Variants in NUBPL observed in about 807,000 individuals in gnomAD.
NUBPL encodes NUBP iron-sulfur cluster assembly factor, mitochondrial.
In NUBPL, 31 loss-of-function variants were observed where a neutral mutation model predicts 45.7. The ratio of observed to expected loss-of-function variants is 0.68; its 90% CI spans 0.51 to 0.92. NUBPL has a LOEUF of 0.92. NUBPL is among the 40% of genes least tolerant of loss of function. The pLI is 0.00. For synonymous variants in NUBPL, 144 were observed against 140.9 expected (o/e 1.02, Z -0.15); for missense variants, 401 against 398.7 (o/e 1.01, Z -0.05).
At position 31,760,003 on chromosome 14, in the gene NUBPL, AC is replaced by A. The variant is rs796584284; in HGVS notation, c.514-27773del. Among the ~76,000 whole-genome samples the A allele has an allele frequency of 1.9e-4, 29 of 151,180 alleles. No homozygotes were observed. In the East Asian group the frequency reaches 2.7e-3, roughly 14 times the overall value. On this transcript the variant is annotated intron_variant, in intron 6 of 10. Transcript: ENST00000281081. ...CTTAGTATGGGTTTTTTGGGACATA[AC>A]CCCACTGCAAGTTAAGAAGCATCTC...
At chr14:31,760,545 C>T (rs76994812) in intron 6 of NUBPL, among the ~76,000 whole-genome samples, 2,897 of 152,160 alleles carry the variant, frequency 0.019, 43 homozygotes, top group Non-Finnish European at 0.03. Context: ...TTTTTAGATT[C>T]CATATATAAG....
chr14:31,754,003 G>GAT, intron 6 of NUBPL, among the ~76,000 whole-genome samples: 1 of 152,196 alleles, frequency 6.6e-6, no homozygotes, highest in African/African-American at 2.4e-5. Context: ...AGAGATAATA[G>GAT]ATATATTAAT....
At chr14:31,645,166 C>A (rs368475700) in intron 4 of NUBPL, among the ~76,000 whole-genome samples, 2 of 151,522 alleles carry the variant, frequency 1.3e-5, no homozygotes, top group African/African-American at 4.8e-5. Flanking sequence ...CCCGGGTTCA[C>A]GCCATTCTCC....
Position 31,648,806 on chromosome 14 carries a change from G to C in NUBPL, c.383-24549G>C, listed in dbSNP as rs528879493. Among the ~76,000 whole-genome samples the C allele has an allele frequency of 9.2e-5, 14 of 152,250 alleles. No homozygotes were observed. The Middle Eastern group carries it at 0.014, about 148-fold the overall frequency. On this transcript the variant is annotated intron_variant, in intron 4 of 10. Transcript: ENST00000281081. ...TTAGTTCTATTCTGCAAAGTCCTCAGGATCGAAGTCTTGTTTTTGTTTTGA... is the reference window on the plus strand; with the variant it reads ...TTAGTTCTATTCTGCAAAGTCCTCACGATCGAAGTCTTGTTTTTGTTTTGA...
chr14:31,807,047 G>C (rs2039703224), intron 7 of NUBPL, among the ~76,000 whole-genome samples: 1 of 152,144 alleles, frequency 6.6e-6, no homozygotes, highest in African/African-American at 2.4e-5. Flanking sequence ...TTGGTTCCAA[G>C]TCTTTGCTAT....
intron 6 of NUBPL, among the ~76,000 whole-genome samples, chr14:31,744,898 G>T (rs1262770223): frequency 6.6e-6 from 1 of 151,850 alleles, no homozygotes; most frequent in Non-Finnish European, 1.5e-5. Flanking sequence ...GGGATTACAG[G>T]TGTAAGCCAC....
At chr14:31,587,848 T>C (rs1014142726) in intron 3 of NUBPL, among the ~76,000 whole-genome samples, 3 of 152,220 alleles carry the variant, frequency 2.0e-5, no homozygotes, top group Non-Finnish European at 4.4e-5. Context: ...ATAAAAATAA[T>C]AAGTGCACAT....
At chr14:31,630,847 C>T (rs141249923) in intron 4 of NUBPL, among the ~76,000 whole-genome samples, 1 of 152,308 alleles carries the variant, frequency 6.6e-6, no homozygotes, top group African/African-American at 2.4e-5. Flanking sequence ...AATTATACAG[C>T]TTGTATCTCC....
At chr14:31,653,009 G>C (rs948269521) in intron 4 of NUBPL, among the ~76,000 whole-genome samples, 1 of 152,164 alleles carries the variant, frequency 6.6e-6, no homozygotes, top group Non-Finnish European at 1.5e-5. Context: ...AAAACCAGCA[G>C]GTTTTTATCA....
chr14:31,715,231 TTCTC>T (rs1450072756), intron 6 of NUBPL, among the ~76,000 whole-genome samples: 3 of 152,230 alleles, frequency 2.0e-5, no homozygotes, highest in Non-Finnish European at 4.4e-5. Context: ...TATCCTCTCT[TTCTC>T]ATTCTGCTTT....
chr14:31,745,714 CAGGCTTATGTACA>C (rs1416309534), intron 6 of NUBPL, among the ~76,000 whole-genome samples: 1 of 151,840 alleles, frequency 6.6e-6, no homozygotes, highest in Non-Finnish European at 1.5e-5. Context: ...GTAACATATT[CAGGCTTATGTACA>C]AGGCATTTGA....
intron 6 of NUBPL, among the ~76,000 whole-genome samples, chr14:31,716,651 T>C (rs2037695008): frequency 6.6e-6 from 1 of 152,198 alleles, no homozygotes; most frequent in Non-Finnish European, 1.5e-5. Flanking sequence ...CTGCAATTCA[T>C]CTCTAGGAAC....
At chr14:31,836,701 A>G (rs372359233) in intron 8 of NUBPL, among the ~76,000 whole-genome samples, 7 of 152,292 alleles carry the variant, frequency 4.6e-5, no homozygotes, top group African/African-American at 1.7e-4. Flanking sequence ...TTAATACCCA[A>G]GGCTTTCTTT....
chr14:31,763,068 A>G (rs1248422275), intron 6 of NUBPL, among the ~76,000 whole-genome samples: 1 of 152,184 alleles, frequency 6.6e-6, no homozygotes, highest in Non-Finnish European at 1.5e-5. Context: ...CTATGTGAGA[A>G]ATGTATATGC....
intron 7 of NUBPL, among the ~76,000 whole-genome samples, chr14:31,824,950 A>T (rs773084342): frequency 1.3e-5 from 2 of 152,162 alleles, no homozygotes; most frequent in Non-Finnish European, 2.9e-5. Flanking sequence ...ATTAAAAAAA[A>T]ATTCACGGAT....
chr14:31,782,181 G>A (rs889520786), intron 6 of NUBPL, among the ~76,000 whole-genome samples: 1 of 152,142 alleles, frequency 6.6e-6, no homozygotes, highest in African/African-American at 2.4e-5. Flanking sequence ...CATATCACGA[G>A]GTTAGGAGTT....
At chr14:31,658,771 CA>C (rs1244082743) in intron 4 of NUBPL, among the ~76,000 whole-genome samples, 1 of 152,114 alleles carries the variant, frequency 6.6e-6, no homozygotes, top group Non-Finnish European at 1.5e-5. Context: ...CTCGGCCTCC[CA>C]AAGTGCTGGG....
At chr14:31,587,179 A>C (rs952205490) in intron 3 of NUBPL, among the ~76,000 whole-genome samples, 30 of 152,182 alleles carry the variant, frequency 2.0e-4, no homozygotes, top group Non-Finnish European at 4.3e-4. Flanking sequence ...TTTTGTTAAC[A>C]AGTTGCCCGG....
intron 3 of NUBPL, among the ~76,000 whole-genome samples, chr14:31,594,523 C>T (rs540509887): frequency 1.7e-4 from 26 of 152,014 alleles, no homozygotes; most frequent in Non-Finnish European, 3.2e-4. Flanking sequence ...TTTTCATGAG[C>T]TCCTCTCAGG....
Sources: gnomAD v4.1 joint callset for allele counts (sites outside exome capture counted in the v4.1 genomes callset) on GRCh38, gnomAD v4.1.1 for gene constraint, MANE v1.5 for transcripts, NCBI Gene and HGNC (gene_info 2026-07-23, HGNC 2026-07-21) for gene names.